HPSE2: variants seen among roughly 807,000 people sequenced by gnomAD.
HPSE2 encodes the protein heparanase 2 (inactive), also known as inactive heparanase-2.
Under a neutral mutation model 60.5 loss-of-function variants are expected in HPSE2, and 38 were observed. The observed-to-expected ratio is 0.63, with a 90% CI of 0.48 to 0.82. HPSE2 has a LOEUF of 0.82. Among genes scored for constraint, HPSE2 ranks in the 40% least tolerant of loss-of-function variants. The probability of loss-of-function intolerance (pLI) is 0.00; values close to 1 mark genes in which losing one functional copy is unlikely to be tolerated. For missense variants in HPSE2, 713 were observed against 740.4 expected (o/e 0.96, Z 0.43); for synonymous variants, 295 against 293.2 (o/e 1.01, Z -0.06).
At chr10:99,298,151 A>G in the HPSE2 span, among the ~76,000 whole-genome samples, 2 of 152,120 alleles carry the variant, frequency 1.3e-5, no homozygotes, top group African/African-American at 4.8e-5. Flanking sequence ...GGCAAGTCAG[A>G]GCCTCTGAGG....
intron 3 of HPSE2, among the ~76,000 whole-genome samples, chr10:99,064,689 T>TA (rs1055769862): frequency 1.3e-5 from 2 of 148,526 alleles, no homozygotes; most frequent in African/African-American, 2.5e-5. Context: ...TGCCAATTAT[T>TA]AAAAAAAAGC....
chr10:99,038,807 C>T (rs977195216), intron 3 of HPSE2, among the ~76,000 whole-genome samples: 2 of 152,190 alleles, frequency 1.3e-5, no homozygotes, highest in South Asian at 4.1e-4. Context: ...CACTAAAATG[C>T]TTCCAAATAA....
chr10:98,792,296 G>A (rs56810911), intron 3 of HPSE2, among the ~76,000 whole-genome samples: 2,118 of 151,780 alleles, frequency 0.014, 43 homozygotes, highest in African/African-American at 0.048. Context: ...CTGTATTTGT[G>A]TAAATCTAAG....
chr10:99,070,968 C>T (rs530196167), intron 3 of HPSE2, among the ~76,000 whole-genome samples: 3 of 152,002 alleles, frequency 2.0e-5, no homozygotes, highest in South Asian at 2.1e-4. Context: ...CTGCAACAAA[C>T]GTGGGAGTGA....
intron 1 of HPSE2, among the ~76,000 whole-genome samples, chr10:99,234,762 C>G (rs1005760361): frequency 1.3e-5 from 2 of 151,924 alleles, no homozygotes; most frequent in African/African-American, 4.8e-5. Context: ...TACCGCTTCC[C>G]TTATAACGCT....
intron 9 of HPSE2, among the ~76,000 whole-genome samples, chr10:98,597,970 C>CAAAAAA (rs571184082): frequency 1.8e-5 from 1 of 55,152 alleles, no homozygotes; most frequent in African/African-American, 6.6e-5. Context: ...GACTCCATCT[C>CAAAAAA]AAAAAAAAAA....
At chr10:99,050,165 G>A (rs1957956756) in intron 3 of HPSE2, among the ~76,000 whole-genome samples, 1 of 152,144 alleles carries the variant, frequency 6.6e-6, no homozygotes, top group African/African-American at 2.4e-5. Flanking sequence ...AGTCAGGCAT[G>A]GTGACATGCA....
chr10:99,273,983 A>C, the HPSE2 span, among the ~76,000 whole-genome samples: 5 of 152,252 alleles, frequency 3.3e-5, no homozygotes, highest in Non-Finnish European at 7.3e-5. Context: ...ACCCAACATT[A>C]ATCAATCTGG....
At chr10:98,892,034 G>C (rs566234184) in intron 3 of HPSE2, among the ~76,000 whole-genome samples, 9 of 152,294 alleles carry the variant, frequency 5.9e-5, no homozygotes, top group African/African-American at 2.2e-4. Flanking sequence ...GCCTCCTAAA[G>C]TGCTGGGATC....
intron 3 of HPSE2, among the ~76,000 whole-genome samples, chr10:98,910,783 T>A (rs930271211): frequency 1.3e-5 from 2 of 152,182 alleles, no homozygotes; most frequent in African/African-American, 4.8e-5. Flanking sequence ...CCAGTTGTTT[T>A]CCACTATACC....
chr10:99,149,696 G>A (rs1389058668), intron 2 of HPSE2, among the ~76,000 whole-genome samples: 1 of 151,958 alleles, frequency 6.6e-6, no homozygotes, highest in Non-Finnish European at 1.5e-5. Flanking sequence ...ATTCTTTTAG[G>A]TCATTTCAAC....
At chr10:98,541,624 G>A (rs767382043) in intron 9 of HPSE2, among the ~76,000 whole-genome samples, 119 of 152,300 alleles carry the variant, frequency 7.8e-4, no homozygotes, top group Non-Finnish European at 1.3e-3. Context: ...CGAATACTGC[G>A]CTTTTCTGAT....
the HPSE2 span, among the ~76,000 whole-genome samples, chr10:99,290,969 C>T: frequency 2.0e-4 from 31 of 152,062 alleles, no homozygotes; most frequent in African/African-American, 7.2e-4. Flanking sequence ...ATTTAGAAAT[C>T]ATTCAAAAAG....
chr10:98,673,950 T>C (rs1947570496), intron 6 of HPSE2, among the ~76,000 whole-genome samples: 1 of 152,172 alleles, frequency 6.6e-6, no homozygotes, highest in Admixed American at 6.5e-5. Flanking sequence ...TTCATGTACA[T>C]ATGAAACACC....
At chr10:98,506,942 T>TGTAACCA (rs1942222341) in intron 9 of HPSE2, among the ~76,000 whole-genome samples, 2 of 152,242 alleles carry the variant, frequency 1.3e-5, no homozygotes, top group South Asian at 4.1e-4. Context: ...TCAAGGATAG[T>TGTAACCA]GTAACCAGGT....
At chr10:99,090,278 A>G (rs1356737278) in intron 3 of HPSE2, among the ~76,000 whole-genome samples, 1 of 152,120 alleles carries the variant, frequency 6.6e-6, no homozygotes, top group African/African-American at 2.4e-5. Context: ...ACCATCTAGC[A>G]GAATAAACAT....
At chr10:98,811,267 C>T (rs1951162947) in intron 3 of HPSE2, among the ~76,000 whole-genome samples, 1 of 152,074 alleles carries the variant, frequency 6.6e-6, no homozygotes, top group Non-Finnish European at 1.5e-5. Context: ...TTCCCTACTT[C>T]CTCAAAAACA....
intron 9 of HPSE2, among the ~76,000 whole-genome samples, chr10:98,596,444 CTA>C: frequency 6.7e-6 from 1 of 148,764 alleles, no homozygotes; most frequent in East Asian, 2.0e-4. Flanking sequence ...GATTTTTACC[CTA>C]TGTTTTCACG....
At chr10:98,816,085 G>A (rs974785417) in intron 3 of HPSE2, among the ~76,000 whole-genome samples, 5 of 150,298 alleles carry the variant, frequency 3.3e-5, no homozygotes, top group African/African-American at 9.8e-5. Flanking sequence ...GCTAAATGAC[G>A]AGTTAATGGG....
Sources: gnomAD v4.1 joint callset for allele counts (sites outside exome capture counted in the v4.1 genomes callset) on GRCh38, gnomAD v4.1.1 for gene constraint, MANE v1.5 for transcripts, NCBI Gene and HGNC (gene_info 2026-07-23, HGNC 2026-07-21) for gene names.